Variants in LRBA observed in about 807,000 individuals in gnomAD.
LRBA encodes LPS responsive beige-like anchor protein.
A neutral mutation model predicts 330.0 loss-of-function variants in LRBA; 176 were observed. That is an observed-to-expected ratio of 0.53 (90% confidence interval 0.47 to 0.60). The LOEUF (loss-of-function observed/expected upper bound fraction) is 0.60. LRBA is among the 20% of genes least tolerant of loss of function. The pLI, the probability that LRBA is intolerant of heterozygous loss-of-function variation, is 0.00. For synonymous variants in LRBA, 1,230 were observed against 1,193.0 expected (o/e 1.03, Z -0.64); for missense variants, 3,259 against 3,444.8 (o/e 0.95, Z 1.35).
intron 36 of LRBA, among the ~76,000 whole-genome samples, chr4:150,704,873 A>G (rs1010820567): frequency 2.0e-5 from 3 of 152,198 alleles, no homozygotes; most frequent in Non-Finnish European, 2.9e-5. Context: ...CTTTTGCATA[A>G]TAAGAATATG....
intron 47 of LRBA, among the ~76,000 whole-genome samples, chr4:150,362,611 T>G (rs1738879514): frequency 6.6e-6 from 1 of 152,184 alleles, no homozygotes; most frequent in African/African-American, 2.4e-5. Context: ...GAATTTGCCC[T>G]TATAACAAGA....
chr4:150,763,349 AT>A (rs1409520342), intron 34 of LRBA, among the ~76,000 whole-genome samples: 1 of 151,936 alleles, frequency 6.6e-6, no homozygotes, highest in African/African-American at 2.4e-5. Context: ...AATTTTTATT[AT>A]TCTAAAATTT....
At chr4:150,308,948 G>A (rs1730711133) in intron 52 of LRBA, among the ~76,000 whole-genome samples, 1 of 152,126 alleles carries the variant, frequency 6.6e-6, no homozygotes, top group Admixed American at 6.6e-5. Context: ...TGTAGTCTAA[G>A]TGTACAGAGT....
chr4:150,824,867 T>C (rs1430415144), intron 30 of LRBA, among the ~76,000 whole-genome samples: 1 of 152,022 alleles, frequency 6.6e-6, no homozygotes, highest in Non-Finnish European at 1.5e-5. Context: ...GTCAAACTCC[T>C]GGGCTCCAGT....
At chr4:150,879,764 A>G (rs1312156723) in intron 17 of LRBA, among the ~76,000 whole-genome samples, 1 of 152,088 alleles carries the variant, frequency 6.6e-6, no homozygotes, top group Admixed American at 6.5e-5. Context: ...TCCTTTTACA[A>G]TATCCATGCT....
intron 36 of LRBA, among the ~76,000 whole-genome samples, chr4:150,731,591 C>CA (rs762458251): frequency 1.1e-4 from 17 of 152,050 alleles, no homozygotes; most frequent in Non-Finnish European, 2.5e-4. Flanking sequence ...ATCTAAAAAT[C>CA]AAAACAATTG....
intron 40 of LRBA, among the ~76,000 whole-genome samples, chr4:150,571,442 A>G (rs186474044): frequency 1.6e-4 from 24 of 152,138 alleles, no homozygotes; most frequent in African/African-American, 5.3e-4. Context: ...GAATCCAAAT[A>G]AAACTTCCCT....
chr4:150,266,597 G>T (rs1454590778), intron 56 of LRBA, among the ~76,000 whole-genome samples: 1 of 151,838 alleles, frequency 6.6e-6, no homozygotes, highest in African/African-American at 2.4e-5. Context: ...AATTAATTAG[G>T]AACTAAAATG....
At position 150,872,756 on chromosome 4, in the gene LRBA, C is replaced by T; in HGVS notation, c.2166-1G>A. The T allele has an allele frequency of 1.3e-6, 2 of 1,529,222 alleles. No individual in the cohort carries two copies. The highest frequency in any genetic ancestry group is 1.4e-5 in the African/African-American group (1 of 72,706). The allele number at this position is 1,529,222 out of a possible 1,614,324, so 94.7% of individuals were successfully genotyped here. A position where few individuals can be genotyped will look rare whatever the true frequency, so the allele number is the denominator to read the frequency against. On this transcript the variant is annotated splice_acceptor_variant, in intron 17 of 56. Coordinates refer to ENST00000651943, the MANE Select transcript of LRBA (RefSeq NM_001364905.1). LOFTEE classifies it high-confidence loss of function. ...CGATGCCAGAAGTTTGTAGATAACA[C>T]TGAATGAATAAAAATTTAAAACAAA...
chr4:150,832,502 G>A (rs1240472667), intron 28 of LRBA, among the ~76,000 whole-genome samples: 1 of 152,094 alleles, frequency 6.6e-6, no homozygotes, highest in African/African-American at 2.4e-5. Context: ...AGCCTGAGGT[G>A]GGAGAATGGC....
intron 36 of LRBA, among the ~76,000 whole-genome samples, chr4:150,724,192 C>G (rs1182220665): frequency 6.6e-6 from 1 of 152,134 alleles, no homozygotes; most frequent in Admixed American, 6.5e-5. Flanking sequence ...CAGGTCTAAC[C>G]CAGTGCAGCC....
intron 35 of LRBA, among the ~76,000 whole-genome samples, chr4:150,752,447 T>A (rs184078577): frequency 2.0e-5 from 3 of 152,040 alleles, no homozygotes; most frequent in East Asian, 1.9e-4. Context: ...TCAGAAAGAA[T>A]AGATTTTGTT....
chr4:150,840,231 C>G (rs1036999957), intron 28 of LRBA, among the ~76,000 whole-genome samples: 1 of 152,226 alleles, frequency 6.6e-6, no homozygotes, highest in Non-Finnish European at 1.5e-5. Flanking sequence ...CATTTGCTCA[C>G]TGGAGTAATC....
intron 28 of LRBA, chr4:150,840,425 T>C (rs967757729): frequency 5.3e-5 from 8 of 152,208 alleles, no homozygotes; most frequent in African/African-American, 1.7e-4. Flanking sequence ...CTTGAACCCT[T>C]AGAGGCCACT....
intron 47 of LRBA, among the ~76,000 whole-genome samples, chr4:150,390,505 C>T (rs2151907343): frequency 6.6e-6 from 1 of 152,278 alleles, no homozygotes; most frequent in East Asian, 1.9e-4. Context: ...AGTTTTCTCA[C>T]CTGGTTTTTG....
At chr4:150,285,674 A>G (rs1318223576) in intron 54 of LRBA, among the ~76,000 whole-genome samples, 1 of 152,234 alleles carries the variant, frequency 6.6e-6, no homozygotes, top group Non-Finnish European at 1.5e-5. Context: ...CAATGATGGA[A>G]ATGATCTGTA....
chr4:150,910,811 C>T (rs956719261), intron 9 of LRBA, among the ~76,000 whole-genome samples: 3 of 152,046 alleles, frequency 2.0e-5, no homozygotes, highest in African/African-American at 2.4e-5. Context: ...ACATTTGTTT[C>T]GGTCTCTTAA....
chr4:150,649,227 A>C (rs1441884444), intron 37 of LRBA, among the ~76,000 whole-genome samples: 8 of 152,226 alleles, frequency 5.3e-5, no homozygotes, highest in Admixed American at 5.2e-4. Flanking sequence ...CATAGTTCTT[A>C]AACTGTTCCT....
At chr4:150,834,412 T>C (rs1747677284) in intron 28 of LRBA, among the ~76,000 whole-genome samples, 1 of 152,198 alleles carries the variant, frequency 6.6e-6, no homozygotes, top group South Asian at 2.1e-4. Context: ...GCAGAATGAA[T>C]ATTTCACTAA....
Sources: allele counts gnomAD v4.1 joint callset (sites outside exome capture counted in the v4.1 genomes callset), GRCh38; gene constraint gnomAD v4.1.1; transcripts MANE v1.5; gene names NCBI Gene and HGNC (gene_info 2026-07-23, HGNC 2026-07-21).